TFCP2L1: variants seen among roughly 807,000 people sequenced by gnomAD.
TFCP2L1 encodes transcription factor CP2 like 1.
Under a neutral mutation model 72.2 loss-of-function variants are expected in TFCP2L1, and 12 were observed. The observed-to-expected ratio is 0.17, with a 90% CI of 0.11 to 0.27. TFCP2L1 has a LOEUF of 0.27. Among genes scored for constraint, TFCP2L1 ranks in the 10% least tolerant of loss-of-function variants. The pLI, the probability that TFCP2L1 is intolerant of heterozygous loss-of-function variation, is 1.00. For synonymous variants in TFCP2L1, 260 were observed against 251.0 expected (o/e 1.04, Z -0.34); for missense variants, 488 against 624.6 (o/e 0.78, Z 2.33).
In TFCP2L1 at chr2:121,245,612, G is replaced by A. The variant is rs145763387; in HGVS notation, c.657+1206C>T. On this transcript the variant is annotated intron_variant, in intron 6 of 14. Transcript: ENST00000263707. Reference sequence around the variant, plus strand: ...GGCCTCAGAACCCTGTGCCCACAACGGTCAGGCAGCCCGGCTGTGTGGTCT... The same window carrying A: ...GGCCTCAGAACCCTGTGCCCACAACAGTCAGGCAGCCCGGCTGTGTGGTCT... Among the ~76,000 whole-genome samples, 164 of 152,300 alleles carry A rather than the reference G, an allele frequency of 1.1e-3. 3 individuals carry two copies. In the East Asian group the frequency reaches 0.02, roughly 18 times the overall value.
rs1482002866 is a variant in TFCP2L1 at position 121,221,461 on chromosome 2, A to G, written c.*2880T>C. 6.6e-6 allele frequency: 1 copy of G among 152,224 alleles called. No individual in the cohort carries two copies. Among genetic ancestry groups the G allele is most frequent in the Non-Finnish European group, 1.5e-5 (1 of 68,050 alleles). 9.4% of individuals were successfully genotyped at this position (152,224 alleles called of 1,614,324 possible). A position where few individuals can be genotyped will look rare whatever the true frequency, so the allele number is the denominator to read the frequency against. On this transcript the variant is annotated 3_prime_UTR_variant, in exon 15 of 15. Coordinates refer to ENST00000263707, the MANE Select transcript of TFCP2L1 (RefSeq NM_014553.3). ...ATGTCCCAGGAAAGAAGATCCAGTA[A>G]GAAGCAGAGGCCTTTAGCAAGGATG... is the stretch of plus-strand genomic sequence containing the variant.
intron 5 of TFCP2L1, among the ~76,000 whole-genome samples, 178 bp from the exon 6 acceptor site, chr2:121,247,148 C>G (rs1686505600): frequency 6.6e-6 from 1 of 152,132 alleles, no homozygotes; most frequent in Admixed American, 6.5e-5. Flanking sequence ...CCTCCCTGTT[C>G]CCCTGCCTGC....
intron 2 of TFCP2L1, among the ~76,000 whole-genome samples, chr2:121,275,398 C>CAAAAAAAAAAAAAAAAAAAA (rs575514638): frequency 1.2e-4 from 8 of 65,728 alleles, no homozygotes; most frequent in African/African-American, 2.7e-4. Context: ...GACTCCATCT[C>CAAAAAAAAAAAAAAAAAAAA]AAAAAAAAAA....
intron 2 of TFCP2L1, among the ~76,000 whole-genome samples, chr2:121,261,925 C>T (rs1238799268): frequency 1.1e-4 from 16 of 152,148 alleles, no homozygotes; most frequent in African/African-American, 2.7e-4. Flanking sequence ...GCTGGGGATA[C>T]GATGTCACTT....
chr2:121,259,109 C>T (rs1686783875), intron 2 of TFCP2L1, among the ~76,000 whole-genome samples: 3 of 152,104 alleles, frequency 2.0e-5, no homozygotes, highest in South Asian at 2.1e-4. Context: ...TAGCCGGATG[C>T]GGTGGCTAAT....
intron 2 of TFCP2L1, among the ~76,000 whole-genome samples, chr2:121,251,160 A>T (rs758683872): frequency 4.0e-5 from 6 of 151,740 alleles, no homozygotes; most frequent in African/African-American, 7.3e-5. Flanking sequence ...GGAGACTGAG[A>T]CAGGAGAATC....
At chr2:121,238,686 A>G (rs1558731068) in intron 8 of TFCP2L1, among the ~76,000 whole-genome samples, 1 of 151,992 alleles carries the variant, frequency 6.6e-6, no homozygotes, top group Non-Finnish European at 1.5e-5. Flanking sequence ...CCCTGTGTAG[A>G]ATTCTTAACC....
At chr2:121,233,198 CT>C (rs1055323815) in intron 12 of TFCP2L1, among the ~76,000 whole-genome samples, 1 of 151,156 alleles carries the variant, frequency 6.6e-6, no homozygotes, top group Non-Finnish European at 1.5e-5. Flanking sequence ...GTGCACTTTT[CT>C]TTTTTTTTCC....
intron 10 of TFCP2L1, among the ~76,000 whole-genome samples, chr2:121,236,172 G>C (rs1327276839): frequency 6.6e-6 from 1 of 152,182 alleles, no homozygotes; most frequent in Non-Finnish European, 1.5e-5. Context: ...CGCTGGGGGG[G>C]CTTCAGGTCT....
intron 2 of TFCP2L1, among the ~76,000 whole-genome samples, chr2:121,271,470 T>C (rs1157029488): frequency 6.7e-6 from 1 of 148,528 alleles, no homozygotes; most frequent in Non-Finnish European, 1.5e-5. Flanking sequence ...GGGGAAAACA[T>C]TTTTTTAAGT....
In TFCP2L1 at chr2:121,246,889, A is replaced by G; in HGVS notation, c.586T>C (p.Phe196Leu). 1 of 1,614,034 alleles carries G rather than the reference A, an allele frequency of 6.2e-7. No homozygotes were observed. The highest frequency in any genetic ancestry group is 8.5e-7 in the Non-Finnish European group (1 of 1,179,984). Residue 196 changes from phenylalanine (F) to leucine (L), a missense_variant, in exon 6 of 15, where the codon TTT (phenylalanine) becomes CTT (leucine). Physicochemically the swap from Phe to Leu is conservative, Grantham distance 22. Coordinates refer to ENST00000263707, the MANE Select transcript of TFCP2L1 (RefSeq NM_014553.3). The stretch of plus-strand genomic sequence containing the variant: ...TACTCCCCATTCTCGTTCTGCTTAA[A>G]CGTGTCAATCTGGACTCGAAAGGGC... ...GVPFRVQIDTFKQNENGEYTE... is the reference protein window; with the variant it reads ...GVPFRVQIDTLKQNENGEYTE...
Position 121,281,247 on chromosome 2 carries a change from G to A in TFCP2L1, c.87C>T (p.Phe29=). 6.2e-7 allele frequency: 1 copy of A among 1,609,466 alleles called. No homozygotes were observed. The highest frequency in any genetic ancestry group is 8.5e-7 in the Non-Finnish European group (1 of 1,178,382). The part of the protein sequence containing the change: ...YLRDVLALPI[F]KQEEPQLSPE... ...GGGACAGCTGGGGTTCCTCCTGCTT[G>A]AAGATGGGCAGAGCGAGCACATCAC... The change falls in exon 2 of 15, where the codon TTC becomes TTT. Residue 29 remains phenylalanine (F), a synonymous_variant. Transcript: ENST00000263707.
intron 1 of TFCP2L1, among the ~76,000 whole-genome samples, chr2:121,281,795 C>CCCA (rs1186011944): frequency 6.6e-6 from 1 of 152,116 alleles, no homozygotes; most frequent in Non-Finnish European, 1.5e-5. Context: ...TCCCTGAGTA[C>CCCA]CCAGGTTGAG....
chr2:121,262,462 T>C (rs964019273), intron 2 of TFCP2L1, among the ~76,000 whole-genome samples: 4 of 151,984 alleles, frequency 2.6e-5, no homozygotes, highest in African/African-American at 9.7e-5. Flanking sequence ...AGACTCCGTC[T>C]CAAAAAAATA....
chr2:121,271,350 G>T (rs78758284), intron 2 of TFCP2L1, among the ~76,000 whole-genome samples: 1 of 152,124 alleles, frequency 6.6e-6, no homozygotes, highest in Non-Finnish European at 1.5e-5. Flanking sequence ...GTTAAAGTAT[G>T]ACTACGAAAA....
At position 121,262,842 on chromosome 2, in the gene TFCP2L1, G is replaced by A. The variant is rs111612965; in HGVS notation, c.215-13195C>T. ...TGGGTCTCCATATGAACATCGACAT[G>A]CTCATAAGTACCTGGACACTTAATA... On this transcript the variant is annotated intron_variant, in intron 2 of 14. Transcript: ENST00000263707. Among the ~76,000 whole-genome samples the A allele has an allele frequency of 2.3e-3, 348 of 152,240 alleles. 1 individual carries two copies. Among genetic ancestry groups the A allele is most frequent in the African/African-American group, 8.0e-3 (332 of 41,534 alleles).
At chr2:121,224,492 C>A (rs1685984089) in intron 14 of TFCP2L1, 105 bp from the exon 15 acceptor site, 6 of 1,107,198 alleles carry the variant, frequency 5.4e-6, no homozygotes, top group Non-Finnish European at 8.0e-6. Flanking sequence ...CAAAGACCAC[C>A]AAAATAGGGC....
chr2:121,224,972 A>G lies in TFCP2L1; in HGVS notation c.1394-585T>C, dbSNP rs1226716959. Among the ~76,000 whole-genome samples the G allele has an allele frequency of 3.3e-5, 5 of 149,474 alleles. No individual in the cohort carries two copies. In the East Asian group the frequency reaches 9.8e-4, roughly 29 times the overall value. ...TGCCCTCCAGCCTGGGTGACAGAGC[A>G]AGACTCCATCAAAAAAAAAAAAAAA... On this transcript the variant is annotated intron_variant, in intron 14 of 14. Coordinates refer to ENST00000263707, the MANE Select transcript of TFCP2L1 (RefSeq NM_014553.3).
chr2:121,271,652 A>C (rs560662209), intron 2 of TFCP2L1, among the ~76,000 whole-genome samples: 119 of 152,324 alleles, frequency 7.8e-4, no homozygotes, highest in Admixed American at 1.4e-3. Context: ...AGAAGGAAAA[A>C]TATAACTGGG....
Sources: allele counts gnomAD v4.1 joint callset (sites outside exome capture counted in the v4.1 genomes callset), GRCh38; gene constraint gnomAD v4.1.1; transcripts MANE v1.5; gene names NCBI Gene and HGNC (gene_info 2026-07-23, HGNC 2026-07-21).